The following PPFIA2 variants were observed in gnomAD, a reference collection of about 807,000 sequenced individuals.
The protein encoded by PPFIA2 is liprin-alpha-2.
In PPFIA2, 46 loss-of-function variants were observed where a neutral mutation model predicts 175.5. That is an observed-to-expected ratio of 0.26 (90% confidence interval 0.21 to 0.34). The LOEUF is 0.34. PPFIA2 is among the 10% of genes least tolerant of loss of function. The pLI, the probability that PPFIA2 is intolerant of heterozygous loss-of-function variation, is 1.00. For synonymous variants in PPFIA2, 568 were observed against 511.4 expected, an observed-to-expected ratio of 1.11 and a Z score of -1.49; for missense variants, 1,179 against 1,506.1, an observed-to-expected ratio of 0.78 and a Z score of 3.60.
At chr12:81,262,079 A>G (rs1423497688) in intron 31 of PPFIA2, 39 bp from the exon 32 acceptor site, 22 of 1,372,518 alleles carry the variant, frequency 1.6e-5, no homozygotes, top group Non-Finnish European at 2.3e-5. Context: ...GACTTGGATG[A>G]TTGAGTACAA....
chr12:81,393,555 G>A (rs2040547103), intron 8 of PPFIA2, among the ~76,000 whole-genome samples: 1 of 152,028 alleles, frequency 6.6e-6, no homozygotes, highest in Non-Finnish European at 1.5e-5. Flanking sequence ...AGTGGAGGAG[G>A]AAGATATTTG....
At chr12:81,283,893 T>G (rs945774879) in intron 25 of PPFIA2, among the ~76,000 whole-genome samples, 3 of 152,120 alleles carry the variant, frequency 2.0e-5, no homozygotes, top group African/African-American at 7.2e-5. Flanking sequence ...TAATCTTTTC[T>G]ATTACCAATT....
At chr12:81,526,682 G>A (rs913961852) in intron 4 of PPFIA2, among the ~76,000 whole-genome samples, 57 of 152,172 alleles carry the variant, frequency 3.7e-4, no homozygotes, top group Non-Finnish European at 7.1e-4. Context: ...TTATGATTGT[G>A]GAAATAGAAC....
chr12:81,611,782 A>C (rs2060942665), intron 4 of PPFIA2, among the ~76,000 whole-genome samples: 1 of 152,094 alleles, frequency 6.6e-6, no homozygotes, highest in East Asian at 1.9e-4. Context: ...CAGCACACAA[A>C]AACTCCTGGG....
chr12:81,618,575 C>T (rs1364780452), intron 4 of PPFIA2, among the ~76,000 whole-genome samples: 1 of 131,498 alleles, frequency 7.6e-6, no homozygotes, highest in Non-Finnish European at 1.6e-5. Context: ...GTCGCCCAGG[C>T]TGGAGTGCAG....
chr12:81,368,702 A>T (rs562087577), intron 13 of PPFIA2, 23 bp downstream of exon 13: 77 of 1,596,116 alleles, frequency 4.8e-5, no homozygotes, highest in Admixed American at 4.6e-4. Flanking sequence ...TATTCATGTG[A>T]TTTTACCCTT....
At chr12:81,321,230 T>C (rs2053591401) in intron 22 of PPFIA2, among the ~76,000 whole-genome samples, 1 of 152,088 alleles carries the variant, frequency 6.6e-6, no homozygotes, top group African/African-American at 2.4e-5. Context: ...TGATGTTAGG[T>C]GTGACACATA....
chr12:81,648,590 G>A (rs1459261419), intron 4 of PPFIA2, among the ~76,000 whole-genome samples: 1 of 151,920 alleles, frequency 6.6e-6, no homozygotes, highest in Non-Finnish European at 1.5e-5. Flanking sequence ...TATATCCTAT[G>A]TAATCTCGGT....
intron 4 of PPFIA2, among the ~76,000 whole-genome samples, chr12:81,516,895 C>T (rs1215243989): frequency 6.6e-6 from 1 of 152,036 alleles, no homozygotes; most frequent in East Asian, 1.9e-4. Context: ...AGATCTGAAC[C>T]AGAAACACAG....
chr12:81,749,408 G>A (rs1357098879), intron 3 of PPFIA2, among the ~76,000 whole-genome samples: 1 of 143,342 alleles, frequency 7.0e-6, no homozygotes, highest in Non-Finnish European at 1.6e-5. Context: ...ATTTAATAAT[G>A]CACAGTGGAC....
rs1414845007 is a variant in PPFIA2, at chr12:81,362,697, G to A, written c.1633C>T (p.Pro545Ser). Residue 545 changes from proline (P) to serine (S), a missense_variant, in exon 15 of 33, where the codon CCA becomes TCA. Around this residue, in one of 10 missense-constraint regions of PPFIA2, gnomAD observed 186 missense variants for 163.6 expected, o/e 1.14. Transcript: ENST00000549396. ...AAGCTTTTAGTTTAATGTTACCTTG[G>A]TATTGTGGGTTCAATTAAAGAGCCA... is the stretch of plus-strand genomic sequence containing the variant. Reference protein sequence around the residue: ...RTGSLIEPTIPRTHLDTSAEL... With the variant: ...RTGSLIEPTISRTHLDTSAEL... 1.9e-6 allele frequency: 3 copies of A among 1,538,542 alleles called. No homozygotes were observed. The highest frequency in any genetic ancestry group is 2.6e-6 in the Non-Finnish European group (3 of 1,136,148).
At position 81,294,995 on chromosome 12, in the gene PPFIA2, C is replaced by T. The variant is rs564398471; in HGVS notation, c.2765G>A (p.Arg922Gln). ...GATGGCACCACTCTTCACGTTGGCT[C>T]GGCAGGCTGCCACGTACCACGCAGG... ...GMPAWYVAAC[R>Q]ANVKSGAIMS... is the part of the protein sequence containing the mutation. The change falls in exon 24 of 33, where the codon CGA (arginine) becomes CAA (glutamine). Residue 922 changes from arginine to glutamine, a missense_variant. Around this residue, in one of 10 missense-constraint regions of PPFIA2, gnomAD observed 44 missense variants for 81.3 expected, o/e 0.54. Coordinates refer to ENST00000549396, the MANE Select transcript of PPFIA2 (RefSeq NM_003625.5). 3.7e-6 allele frequency: 6 copies of T among 1,613,666 alleles called. No homozygotes were observed. The Admixed American group carries it at 8.3e-5, about 22-fold the overall frequency.
intron 30 of PPFIA2, among the ~76,000 whole-genome samples, chr12:81,265,099 C>G (rs530315364): frequency 1.3e-5 from 2 of 150,434 alleles, no homozygotes; most frequent in Admixed American, 6.6e-5. Context: ...TCCAGACCAG[C>G]CTGACCAACA....
chr12:81,280,315 T>C (rs576041542), intron 27 of PPFIA2, among the ~76,000 whole-genome samples: 25 of 152,308 alleles, frequency 1.6e-4, no homozygotes, highest in African/African-American at 5.3e-4. Context: ...AACACTGTTA[T>C]ATTTATCTTT....
chr12:81,688,825 C>A (rs912496025), intron 3 of PPFIA2, among the ~76,000 whole-genome samples: 17 of 68,576 alleles, frequency 2.5e-4, no homozygotes, highest in Admixed American at 6.2e-4. Flanking sequence ...ATATATATAT[C>A]TGCTTTTAAA....
At chr12:81,314,065 C>G (rs1252671371) in intron 22 of PPFIA2, among the ~76,000 whole-genome samples, 1 of 151,810 alleles carries the variant, frequency 6.6e-6, no homozygotes, top group Non-Finnish European at 1.5e-5. Context: ...GAGCTTTCTT[C>G]TCTTCCATAG....
At chr12:81,465,509 T>A (rs910084031) in intron 4 of PPFIA2, among the ~76,000 whole-genome samples, 2 of 152,208 alleles carry the variant, frequency 1.3e-5, no homozygotes, top group Non-Finnish European at 2.9e-5. Flanking sequence ...ATGCTTTTTT[T>A]ATAATGACTT....
chr12:81,626,059 T>C (rs1190108770), intron 4 of PPFIA2, among the ~76,000 whole-genome samples: 1 of 151,702 alleles, frequency 6.6e-6, no homozygotes, highest in Non-Finnish European at 1.5e-5. Flanking sequence ...AAGCAAAATA[T>C]ATAAAGCTCA....
At chr12:81,587,080 C>T (rs1409458632) in intron 4 of PPFIA2, among the ~76,000 whole-genome samples, 1 of 151,912 alleles carries the variant, frequency 6.6e-6, no homozygotes, top group African/African-American at 2.4e-5. Flanking sequence ...CTTATAGTCA[C>T]ACTCTAGCAA....
Sources: gnomAD v4.1 joint callset for allele counts (sites outside exome capture counted in the v4.1 genomes callset) on GRCh38, gnomAD v4.1.1 for gene constraint, gnomAD v4.1.1 regional missense constraint, MANE v1.5 for transcripts, NCBI Gene and HGNC (gene_info 2026-07-23, HGNC 2026-07-21) for gene names.